Variants in ANKHD1 observed in about 807,000 individuals in gnomAD.
ANKHD1 encodes the protein ankyrin repeat and KH domain-containing protein 1.
In ANKHD1, 31 loss-of-function variants were observed where a neutral mutation model predicts 230.5. That is an observed-to-expected ratio of 0.13 (90% CI 0.10 to 0.18). The LOEUF (loss-of-function observed/expected upper bound fraction) is 0.18, where lower values mean the gene tolerates loss of function less well. ANKHD1 is among the 10% of genes least tolerant of loss of function. The probability of loss-of-function intolerance (pLI) is 1.00; values close to 1 mark genes in which losing one functional copy is unlikely to be tolerated. For missense variants in ANKHD1, 2,256 were observed against 3,071.3 expected, an observed-to-expected ratio of 0.73 and a Z score of 6.27; for synonymous variants, 1,074 against 1,117.6, an observed-to-expected ratio of 0.96 and a Z score of 0.78.
intron 1 of ANKHD1, among the ~76,000 whole-genome samples, chr5:140,428,260 G>C (rs375513169): frequency 1.3e-5 from 2 of 151,904 alleles, no homozygotes; most frequent in African/African-American, 2.4e-5. Context: ...CTGCAATCTC[G>C]GCACTTTGGG....
At chr5:140,462,661 C>G (rs1165204970) in intron 9 of ANKHD1, among the ~76,000 whole-genome samples, 2 of 141,572 alleles carry the variant, frequency 1.4e-5, no homozygotes, top group East Asian at 2.3e-4. Flanking sequence ...AGAGGCAGAG[C>G]TTGCAGTGAG....
At chr5:140,426,799 T>C (rs1772458777) in intron 1 of ANKHD1, among the ~76,000 whole-genome samples, 1 of 152,312 alleles carries the variant, frequency 6.6e-6, no homozygotes, top group Middle Eastern at 3.4e-3. Context: ...CCTGAGTGGA[T>C]ACAGCACATG....
chr5:140,485,634 A>G lies in ANKHD1; in HGVS notation c.2044A>G (p.Asn682Asp). 6.2e-7 allele frequency: 1 copy of G among 1,614,016 alleles called. No homozygotes were observed. The highest frequency in any genetic ancestry group is 8.5e-7 in the Non-Finnish European group (1 of 1,179,970). ...LIEAAKGGHT[N>D]VVSYLLDYPN... ...TGAAGCTGCAAAGGGTGGCCATACT[A>G]ATGTAGTTTCTTATCTGTTGGATTA... Residue 682 changes from asparagine (N) to aspartate (D), a missense_variant, in exon 13 of 34, where the codon AAT (asparagine) becomes GAT (aspartate). By Grantham distance (23) the Asn-to-Asp change is conservative (BLOSUM62 1). Coordinates refer to ENST00000360839, the MANE Select transcript of ANKHD1 (RefSeq NM_017747.3). This position sits in a 1 kb window ranked among gnomAD's most constrained non-coding sequence, Gnocchi z 4.8.
chr5:140,515,051 G>A (rs1336211048), intron 24 of ANKHD1, among the ~76,000 whole-genome samples: 1 of 152,044 alleles, frequency 6.6e-6, no homozygotes, highest in Non-Finnish European at 1.5e-5. Flanking sequence ...GCCGAGGCGG[G>A]CAGATCACCT....
chr5:140,523,106 TC>T (rs1753430946), intron 24 of ANKHD1, among the ~76,000 whole-genome samples: 1 of 148,072 alleles, frequency 6.8e-6, no homozygotes, highest in African/African-American at 2.5e-5. Flanking sequence ...TTTTTCTTTT[TC>T]CTTTTTTTTT....
At position 140,464,791 on chromosome 5, in the gene ANKHD1, A is replaced by G. The variant is rs1240437714; in HGVS notation, c.1782+15A>G. On this transcript the variant is annotated intron_variant, in intron 10 of 33. Transcript: ENST00000360839. ...GGGCTGATTTAGTAAGATATTTTTA[A>G]TTTCAAATATTTTTGCGTTAATGTT... is the stretch of plus-strand genomic sequence containing the variant. 1 of 1,581,890 alleles carries G rather than the reference A, an allele frequency of 6.3e-7. No individual in the cohort carries two copies. The highest frequency in any genetic ancestry group is 8.6e-7 in the Non-Finnish European group (1 of 1,161,394).
At position 140,458,769 on chromosome 5, in the gene ANKHD1, A is replaced by C; in HGVS notation, c.1387A>C (p.Asn463His). ...AGCTCTACTTATTGAAAGGGGAGCA[A>C]ATCTTGAAGAAGTTAATGATGAAGG... ...LAALLIERGA[N>H]LEEVNDEGYT... The change falls in exon 8 of 34, where the codon AAT becomes CAT. Residue 463 changes from asparagine to histidine, a missense_variant. Asn to His is a moderately conservative substitution (Grantham distance 68, BLOSUM62 1). This residue lies in a region of ANKHD1 where 179 missense variants were observed against 261.8 expected (regional missense o/e 0.68). Coordinates refer to ENST00000360839, the MANE Select transcript of ANKHD1 (RefSeq NM_017747.3). 1.2e-6 allele frequency: 2 copies of C among 1,613,108 alleles called. No homozygotes were observed. The highest frequency in any genetic ancestry group is 1.7e-6 in the Non-Finnish European group (2 of 1,179,750).
intron 1 of ANKHD1, among the ~76,000 whole-genome samples, chr5:140,427,554 C>A (rs1294808471): frequency 7.1e-6 from 1 of 141,526 alleles, no homozygotes; most frequent in Admixed American, 6.9e-5. Context: ...GGGGGCTGAC[C>A]CCCCCACCTC....
At chr5:140,513,019 G>C (rs1181414692) in intron 23 of ANKHD1, 96 bp downstream of exon 23, 4 of 1,246,816 alleles carry the variant, frequency 3.2e-6, no homozygotes, top group Non-Finnish European at 4.4e-6. Flanking sequence ...TATTCTGAAA[G>C]GTTGGTCACC....
intron 10 of ANKHD1, 61 bp downstream of exon 10, chr5:140,464,837 AT>A (rs1775972911): frequency 6.8e-7 from 1 of 1,467,892 alleles, no homozygotes; most frequent in South Asian, 1.3e-5. Flanking sequence ...TATACTTAAC[AT>A]TTAGAAAACA....
In ANKHD1 at chr5:140,507,851, A is replaced by G; in HGVS notation, c.3618A>G (p.Val1206=). ...CAATGAATGGACATGTTCCTGCAGT[A>G]AAATTGCTGCTCGATATGGGTTCAG... The part of the protein sequence containing the change: ...LAAMNGHVPA[V]KLLLDMGSDI... The change falls in exon 20 of 34, where the codon GTA becomes GTG. Residue 1206 remains valine (V), a synonymous_variant. Coordinates refer to ENST00000360839, the MANE Select transcript of ANKHD1 (RefSeq NM_017747.3). This position sits in a 1 kb window ranked among gnomAD's most constrained non-coding sequence, Gnocchi z 4.1. 6.2e-7 allele frequency: 1 copy of G among 1,614,192 alleles called. No homozygotes were observed. The highest frequency in any genetic ancestry group is 1.1e-5 in the South Asian group (1 of 91,086).
chr5:140,497,103 T>C lies in ANKHD1; in HGVS notation c.2829T>C (p.Ser943=), dbSNP rs751827092. Residue 943 remains serine (S), a synonymous_variant, in exon 15 of 34, where the codon TCT becomes TCC. Transcript: ENST00000360839. ...PQCNFSSDLG[S]NGTNSLELQK... ...GTAACTTTTCCAGTGACTTAGGTTC[T>C]AATGGGACAAATTCTCTTGAACTTC... 2 of 1,614,216 alleles carry C rather than the reference T, an allele frequency of 1.2e-6. No homozygotes were observed. Among genetic ancestry groups the C allele is most frequent in the Admixed American group, 1.7e-5 (1 of 60,028 alleles).
chr5:140,458,913 G>A (rs748053504), intron 8 of ANKHD1, 51 bp downstream of exon 8: 13 of 1,419,020 alleles, frequency 9.2e-6, no homozygotes, highest in East Asian at 2.8e-5. Flanking sequence ...TGGATGTTTT[G>A]TGTTAGTACT....
intron 25 of ANKHD1, among the ~76,000 whole-genome samples, chr5:140,525,133 G>GA (rs938360137): frequency 6.6e-6 from 1 of 150,448 alleles, no homozygotes; most frequent in Non-Finnish European, 1.5e-5. Context: ...AAAATAAAAA[G>GA]AAAAAAAAGA....
At position 140,527,040 on chromosome 5, in the gene ANKHD1, A is replaced by G; in HGVS notation, c.5053A>G (p.Lys1685Glu). 6.2e-7 allele frequency: 1 copy of G among 1,613,538 alleles called. No individual in the cohort carries two copies. The highest frequency in any genetic ancestry group is 8.5e-7 in the Non-Finnish European group (1 of 1,179,744). The change falls in exon 27 of 34, where the codon AAA becomes GAA. Residue 1685 changes from lysine to glutamate, a missense_variant. Lys to Glu is a moderately conservative substitution (Grantham distance 56). This residue lies in a region of ANKHD1 where 212 missense variants were observed against 257.3 expected (regional missense o/e 0.82). Coordinates refer to ENST00000360839, the MANE Select transcript of ANKHD1 (RefSeq NM_017747.3). The surrounding 1 kb of genome is among the most constrained non-coding windows in gnomAD (Gnocchi z 4.5). ...LNLTSPKRGQ[K>E]REEGWKEVVR... ...TCTCACTAGCCCTAAAAGGGGTCAGAAAAGAGAAGAAGGGTGGAAAGAAGT... is the reference window on the plus strand; with the variant it reads ...TCTCACTAGCCCTAAAAGGGGTCAGGAAAGAGAAGAAGGGTGGAAAGAAGT...
chr5:140,468,215 C>G (rs1442728326), intron 10 of ANKHD1, among the ~76,000 whole-genome samples: 2 of 147,134 alleles, frequency 1.4e-5, no homozygotes, highest in Non-Finnish European at 3.0e-5. Flanking sequence ...GCTAGAATTA[C>G]AGGTATGTGC....
At chr5:140,448,916 G>C (rs183475757) in intron 6 of ANKHD1, among the ~76,000 whole-genome samples, 137 of 152,156 alleles carry the variant, frequency 9.0e-4, no homozygotes, top group Non-Finnish European at 2.1e-4. Context: ...TCAGTGTTTT[G>C]ATTAGATAAA....
At chr5:140,450,067 T>C (rs1185068505) in intron 7 of ANKHD1, among the ~76,000 whole-genome samples, 1 of 152,190 alleles carries the variant, frequency 6.6e-6, no homozygotes, top group Non-Finnish European at 1.5e-5. Context: ...CATGCGTATA[T>C]GCATATCTAA....
At chr5:140,516,495 G>A (rs1010136073) in intron 24 of ANKHD1, among the ~76,000 whole-genome samples, 3 of 151,920 alleles carry the variant, frequency 2.0e-5, no homozygotes, top group African/African-American at 7.3e-5. Flanking sequence ...ATAATTGTCA[G>A]ATTCACCAAA....
Sources: gnomAD v4.1 joint callset for allele counts (sites outside exome capture counted in the v4.1 genomes callset) on GRCh38, gnomAD v4.1.1 for gene constraint, gnomAD v4.1.1 regional missense constraint, Gnocchi (gnomAD v3.1) non-coding constraint, MANE v1.5 for transcripts, NCBI Gene and HGNC (gene_info 2026-07-23, HGNC 2026-07-21) for gene names.